The following LRP1B variants were observed in gnomAD, a reference collection of about 807,000 sequenced individuals.
The protein encoded by LRP1B is LDL receptor related protein 1B, also known as low-density lipoprotein receptor-related protein 1B.
Under a neutral mutation model 556.6 loss-of-function variants are expected in LRP1B, and 217 were observed. The ratio of observed to expected loss-of-function variants is 0.39; its 90% CI spans 0.35 to 0.44. LRP1B has a LOEUF of 0.44. Ranked by LOEUF, LRP1B falls within the 20% of genes least tolerant of loss-of-function variation. The pLI, the probability that LRP1B is intolerant of heterozygous loss-of-function variation, is 1.00. For synonymous variants in LRP1B, 2,047 were observed against 1,865.8 expected, an observed-to-expected ratio of 1.10 and a Z score of -2.50; for missense variants, 5,053 against 5,620.8, an observed-to-expected ratio of 0.90 and a Z score of 3.23.
chr2:141,432,718 A>C (rs985714069), intron 3 of LRP1B, among the ~76,000 whole-genome samples: 1 of 151,870 alleles, frequency 6.6e-6, no homozygotes, highest in Non-Finnish European at 1.5e-5. Context: ...GGTTCTTATA[A>C]TTCTTTTTGT....
chr2:141,143,940 T>C (rs1047598459), intron 7 of LRP1B, among the ~76,000 whole-genome samples: 3 of 152,124 alleles, frequency 2.0e-5, no homozygotes, highest in African/African-American at 7.2e-5. Context: ...ACCAGGTCTT[T>C]TGCCTTCTCT....
intron 41 of LRP1B, among the ~76,000 whole-genome samples, chr2:140,640,971 C>T (rs917017575): frequency 3.3e-5 from 5 of 152,036 alleles, no homozygotes; most frequent in African/African-American, 9.7e-5. Flanking sequence ...AACATGTGTC[C>T]GATGTTACTT....
intron 2 of LRP1B, among the ~76,000 whole-genome samples, chr2:141,504,649 T>C (rs1174970988): frequency 6.6e-6 from 1 of 152,112 alleles, no homozygotes; most frequent in African/African-American, 2.4e-5. Flanking sequence ...CAATAATCTG[T>C]CCAGGTTGTA....
At chr2:141,487,958 G>T (rs780191662) in intron 2 of LRP1B, among the ~76,000 whole-genome samples, 14 of 152,148 alleles carry the variant, frequency 9.2e-5, no homozygotes, top group Non-Finnish European at 1.9e-4. Flanking sequence ...AATACTTTCT[G>T]CCTGACACTA....
chr2:141,805,709 G>A (rs1331443299), intron 2 of LRP1B: 1 of 152,114 alleles, frequency 6.6e-6, no homozygotes, highest in Non-Finnish European at 1.5e-5. Flanking sequence ...ACTGTAAGCT[G>A]AGAGATTTTG....
chr2:140,581,794 T>A (rs936888342), intron 43 of LRP1B, among the ~76,000 whole-genome samples: 1 of 152,140 alleles, frequency 6.6e-6, no homozygotes. Context: ...TGTATTTTTC[T>A]CTCTCTTTCA....
intron 3 of LRP1B, among the ~76,000 whole-genome samples, chr2:141,390,748 G>A (rs577253299): frequency 1.3e-5 from 2 of 152,310 alleles, no homozygotes; most frequent in South Asian, 4.1e-4. Flanking sequence ...AGAGAGAGAA[G>A]GTGGACTGGT....
At chr2:141,307,974 T>C (rs546837995) in intron 3 of LRP1B, among the ~76,000 whole-genome samples, 2 of 152,176 alleles carry the variant, frequency 1.3e-5, no homozygotes, top group South Asian at 4.2e-4. Context: ...ATGGGCTGGG[T>C]AAGCCAGTCT....
Position 141,886,434 on chromosome 2 carries a change from C to G in LRP1B, c.83-76033G>C, listed in dbSNP as rs367741879. 1.4e-4 allele frequency among the ~76,000 whole-genome samples: 21 copies of G among 152,246 alleles called. No homozygotes were observed. In the South Asian group the frequency reaches 2.1e-3, roughly 15 times the overall value. ...TTTGACCTGAGAAAGAAATCCATCT[C>G]TTGTAGCCGTGTGTAATAGGAGACA... is the stretch of plus-strand genomic sequence containing the variant. On this transcript the variant is annotated intron_variant, in intron 1 of 90. Coordinates refer to ENST00000389484, the MANE Select transcript of LRP1B (RefSeq NM_018557.3).
At chr2:141,127,774 T>TA (rs11330078) in intron 7 of LRP1B, among the ~76,000 whole-genome samples, 7 of 151,798 alleles carry the variant, frequency 4.6e-5, no homozygotes, top group Non-Finnish European at 1.5e-5. Context: ...TAAACTGGTT[T>TA]AAAAAAAATC....
intron 1 of LRP1B, among the ~76,000 whole-genome samples, chr2:142,028,600 T>A (rs187216860): frequency 6.6e-6 from 1 of 151,962 alleles, no homozygotes; most frequent in Admixed American, 6.6e-5. Flanking sequence ...ACATTTCCAG[T>A]TTGAGGGTAT....
intron 1 of LRP1B, among the ~76,000 whole-genome samples, chr2:142,015,568 C>T (rs1223836708): frequency 1.3e-5 from 2 of 152,158 alleles, no homozygotes; most frequent in Admixed American, 1.3e-4. Flanking sequence ...AAGAAACCAT[C>T]ATCAGAGTGA....
chr2:141,984,295 C>G (rs1018795441), intron 1 of LRP1B, among the ~76,000 whole-genome samples: 1 of 150,766 alleles, frequency 6.6e-6, no homozygotes, highest in African/African-American at 2.4e-5. Context: ...AGTTATACAA[C>G]CAACAATGAC....
intron 7 of LRP1B, among the ~76,000 whole-genome samples, chr2:141,114,763 AT>A (rs1380188237): frequency 6.6e-6 from 1 of 151,930 alleles, no homozygotes; most frequent in Non-Finnish European, 1.5e-5. Context: ...TCTACCCAGC[AT>A]TTCCCTGCCT....
chr2:142,055,288 A>G (rs569842963), intron 1 of LRP1B, among the ~76,000 whole-genome samples: 2 of 152,278 alleles, frequency 1.3e-5, no homozygotes, highest in East Asian at 1.9e-4. Flanking sequence ...ACATCCCTCC[A>G]TGGTGGGACC....
At chr2:140,867,101 T>A (rs1420131413) in intron 27 of LRP1B, among the ~76,000 whole-genome samples, 1 of 151,956 alleles carries the variant, frequency 6.6e-6, no homozygotes, top group South Asian at 2.1e-4. Context: ...AGAATTAGGA[T>A]AGGAACACTT....
intron 1 of LRP1B, among the ~76,000 whole-genome samples, chr2:141,849,337 G>C (rs984906203): frequency 2.0e-5 from 3 of 151,558 alleles, no homozygotes; most frequent in African/African-American, 7.3e-5. Context: ...AATTGTGACA[G>C]CATTTTCTTT....
chr2:141,477,224 A>T (rs748222865), intron 3 of LRP1B, among the ~76,000 whole-genome samples: 7 of 151,886 alleles, frequency 4.6e-5, no homozygotes, highest in Non-Finnish European at 1.0e-4. Flanking sequence ...TAATTACTTA[A>T]ATTATAGTCT....
chr2:140,920,021 T>C (rs1694690740), intron 21 of LRP1B, among the ~76,000 whole-genome samples: 1 of 152,044 alleles, frequency 6.6e-6, no homozygotes, highest in South Asian at 2.1e-4. Context: ...TACACGAATT[T>C]CTACAAGTAG....
Sources: allele counts gnomAD v4.1 joint callset (sites outside exome capture counted in the v4.1 genomes callset), GRCh38; gene constraint gnomAD v4.1.1; transcripts MANE v1.5; gene names NCBI Gene and HGNC (gene_info 2026-07-23, HGNC 2026-07-21).